The following OSBPL3 variants were observed in gnomAD, a reference collection of about 807,000 sequenced individuals.
OSBPL3 encodes oxysterol binding protein like 3, also known as oxysterol-binding protein-related protein 3.
OSBPL3 carries 65 observed loss-of-function variants against 120.1 expected under a neutral mutation model. The ratio of observed to expected loss-of-function variants is 0.54; its 90% CI spans 0.44 to 0.67. The LOEUF is 0.67. OSBPL3 is among the 30% of genes least tolerant of loss of function. The pLI is 0.00. For synonymous variants in OSBPL3, 416 were observed against 402.6 expected, an observed-to-expected ratio of 1.03 and a Z score of -0.40; for missense variants, 1,004 against 1,082.1, an observed-to-expected ratio of 0.93 and a Z score of 1.01.
At chr7:24,878,705 AGCAATGGC>A (rs997093107) in intron 2 of OSBPL3, among the ~76,000 whole-genome samples, 2 of 152,240 alleles carry the variant, frequency 1.3e-5, no homozygotes, top group African/African-American at 4.8e-5. Flanking sequence ...CAGGCCTGAT[AGCAATGGC>A]AATTTTTAAG....
intron 1 of OSBPL3, among the ~76,000 whole-genome samples, chr7:24,904,904 G>T (rs1195046653): frequency 6.9e-6 from 1 of 144,726 alleles, no homozygotes; most frequent in Non-Finnish European, 1.5e-5. Context: ...GAAGTGTTCT[G>T]ATCATAATAT....
intron 16 of OSBPL3, among the ~76,000 whole-genome samples, chr7:24,828,148 CTGAG>C (rs973728390): frequency 5.3e-5 from 8 of 152,192 alleles, no homozygotes; most frequent in African/African-American, 1.7e-4. Flanking sequence ...CCTCAGCCTC[CTGAG>C]TAACTGGGAT....
chr7:24,823,453 G>C (rs1207284063), intron 16 of OSBPL3, among the ~76,000 whole-genome samples: 1 of 152,102 alleles, frequency 6.6e-6, no homozygotes, highest in Non-Finnish European at 1.5e-5. Context: ...TTAGGAAATA[G>C]GGGTTCTGGC....
chr7:24,947,777 A>ATCAC lies in OSBPL3; in HGVS notation c.-150+32105_-150+32108dup, dbSNP rs1339425875. 1.0e-5 allele frequency among the ~76,000 whole-genome samples: 1 copy of ATCAC among 96,868 alleles called. No homozygotes were observed. The highest frequency in any genetic ancestry group is 2.1e-5 in the Non-Finnish European group (1 of 47,700). The allele number at this position is 96,868 out of a possible 152,430, so 63.5% of individuals were successfully genotyped here. A position where few individuals can be genotyped will look rare whatever the true frequency, so the allele number is the denominator to read the frequency against. On this transcript the variant is annotated intron_variant, in intron 1 of 22. Coordinates refer to ENST00000313367, the MANE Select transcript of OSBPL3 (RefSeq NM_015550.4). The surrounding 1 kb of genome is among the most constrained non-coding windows in gnomAD (Gnocchi z 4.4). ...TATGTATACATACATATCCAATTAA[A>ATCAC]TCACACACACACACACACACACACA... is the stretch of plus-strand genomic sequence containing the variant.
chr7:24,841,691 T>A (rs1797766577), intron 13 of OSBPL3, among the ~76,000 whole-genome samples: 2 of 23,386 alleles, frequency 8.6e-5, no homozygotes, highest in Non-Finnish European at 6.1e-5. Flanking sequence ...TGAGACTATG[T>A]CTCAAAAAAA....
Position 24,967,917 on chromosome 7 carries a change from CT to C in OSBPL3, c.-150+11968del, listed in dbSNP as rs1472670526. 6.6e-6 allele frequency among the ~76,000 whole-genome samples: 1 copy of C among 152,224 alleles called. No homozygotes were observed. Among genetic ancestry groups the C allele is most frequent in the East Asian group, 1.9e-4 (1 of 5,204 alleles). On this transcript the variant is annotated intron_variant, in intron 1 of 22. Coordinates refer to ENST00000313367, the MANE Select transcript of OSBPL3 (RefSeq NM_015550.4). This position sits in a 1 kb window ranked among gnomAD's most constrained non-coding sequence, Gnocchi z 5.6. ...GCATATTCAAAACCAAAAGCACTCTCTTTCTCTAAGATCTACTCATCTTCCT... is the reference window on the plus strand; with the variant it reads ...GCATATTCAAAACCAAAAGCACTCTCTTCTCTAAGATCTACTCATCTTCCT...
chr7:24,948,871 G>A (rs3846997), intron 1 of OSBPL3, among the ~76,000 whole-genome samples: 3,776 of 152,272 alleles, frequency 0.025, 147 homozygotes, highest in African/African-American at 0.085. Flanking sequence ...GAAATCAGTT[G>A]TTCGTAATAA....
intron 2 of OSBPL3, among the ~76,000 whole-genome samples, chr7:24,885,169 C>A (rs1413076436): frequency 1.3e-5 from 2 of 150,764 alleles, no homozygotes; most frequent in Non-Finnish European, 3.0e-5. Flanking sequence ...TTGCAGTGAG[C>A]CAAGATTGCA....
intron 1 of OSBPL3, among the ~76,000 whole-genome samples, chr7:24,909,916 T>C (rs942355724): frequency 2.0e-5 from 3 of 151,140 alleles, no homozygotes; most frequent in Admixed American, 2.0e-4. Flanking sequence ...GCAATTCTTC[T>C]GCCTCAGTCT....
intron 10 of OSBPL3, among the ~76,000 whole-genome samples, chr7:24,860,039 A>G (rs1023172609): frequency 7.2e-5 from 11 of 152,318 alleles, no homozygotes; most frequent in Non-Finnish European, 1.2e-4. Context: ...TACAATATAA[A>G]AACGTGGGAG....
chr7:24,928,636 G>T (rs149464518), intron 1 of OSBPL3, among the ~76,000 whole-genome samples: 21 of 152,268 alleles, frequency 1.4e-4, no homozygotes, highest in Admixed American at 2.6e-4. Flanking sequence ...ACACCTCAAA[G>T]AACATTCCCT....
intron 12 of OSBPL3, among the ~76,000 whole-genome samples, chr7:24,846,301 T>TC (rs1483447696): frequency 6.6e-6 from 1 of 152,226 alleles, no homozygotes; most frequent in Non-Finnish European, 1.5e-5. Flanking sequence ...AATTTAAATC[T>TC]CAGCTCTGTC....
chr7:24,974,928 C>T (rs1817416672), intron 1 of OSBPL3, among the ~76,000 whole-genome samples: 1 of 152,104 alleles, frequency 6.6e-6, no homozygotes, highest in Non-Finnish European at 1.5e-5. Flanking sequence ...GTGATGGTTG[C>T]ACAACTCTGA....
In OSBPL3 at chr7:24,955,701, A is replaced by ACTAT. The variant is rs1329386253; in HGVS notation, c.-150+24181_-150+24184dup. Among the ~76,000 whole-genome samples the ACTAT allele has an allele frequency of 6.6e-6, 1 of 152,204 alleles. No individual in the cohort carries two copies. Among genetic ancestry groups the ACTAT allele is most frequent in the Admixed American group, 6.5e-5 (1 of 15,278 alleles). Reference sequence around the variant, plus strand: ...TGCTTTAATGTTCTCCACAGCACTTACTATCACCTGACATACATATTTATT... The same window carrying ACTAT: ...TGCTTTAATGTTCTCCACAGCACTTACTATCTATCACCTGACATACATATTTATT... On this transcript the variant is annotated intron_variant, in intron 1 of 22. Transcript: ENST00000313367. This position sits in a 1 kb window ranked among gnomAD's most constrained non-coding sequence, Gnocchi z 4.3.
Position 24,894,728 on chromosome 7 carries a change from T to C in OSBPL3, c.-149-2107A>G, listed in dbSNP as rs1357316183. On this transcript the variant is annotated intron_variant, in intron 1 of 22. Transcript: ENST00000313367. This position sits in a 1 kb window ranked among gnomAD's most constrained non-coding sequence, Gnocchi z 4.1. ...CTACAAGAGTCTGGGATGAGAGGGG[T>C]GTGTGTGCAATGTAAAGGGAGAGAA... Among the ~76,000 whole-genome samples the C allele has an allele frequency of 5.3e-5, 8 of 151,848 alleles. No individual in the cohort carries two copies. Among genetic ancestry groups the C allele is most frequent in the Non-Finnish European group, 1.2e-4 (8 of 67,990 alleles).
intron 1 of OSBPL3, among the ~76,000 whole-genome samples, chr7:24,923,337 A>C (rs1202741441): frequency 6.6e-6 from 1 of 152,144 alleles, no homozygotes; most frequent in African/African-American, 2.4e-5. Context: ...TCTGTGCCTC[A>C]TGTCTCCCTG....
In OSBPL3 at chr7:24,834,190, C is replaced by T; in HGVS notation, c.1746+296G>A. 9.0e-7 allele frequency: 1 copy of T among 1,109,542 alleles called. No individual in the cohort carries two copies. The highest frequency in any genetic ancestry group is 1.1e-6 in the Non-Finnish European group (1 of 900,860). 68.7% of individuals were successfully genotyped at this position (1,109,542 alleles called of 1,614,324 possible). On this transcript the variant is annotated intron_variant, in intron 15 of 22. Coordinates refer to ENST00000313367, the MANE Select transcript of OSBPL3 (RefSeq NM_015550.4). The surrounding 1 kb of genome is among the most constrained non-coding windows in gnomAD (Gnocchi z 5.2). Reference sequence around the variant, plus strand: ...AGACATGTTTTCCAGCCGGGCACATCGGAACAATCAGCCAGAAGGCTTCTG... The same window carrying T: ...AGACATGTTTTCCAGCCGGGCACATTGGAACAATCAGCCAGAAGGCTTCTG...
intron 1 of OSBPL3, among the ~76,000 whole-genome samples, chr7:24,910,952 T>C (rs4722403): frequency 0.61 from 92,968 of 152,086 alleles, 29,131 homozygotes; most frequent in East Asian, 0.78. Context: ...CATTTCATAC[T>C]AACTGGTCCA....
At chr7:24,825,719 A>G (rs1795630343) in intron 16 of OSBPL3, among the ~76,000 whole-genome samples, 1 of 152,216 alleles carries the variant, frequency 6.6e-6, no homozygotes, top group African/African-American at 2.4e-5. Context: ...ATGAGTGTGC[A>G]AGGAGGAAGT....
Sources: gnomAD v4.1 joint callset for allele counts (sites outside exome capture counted in the v4.1 genomes callset) on GRCh38, gnomAD v4.1.1 for gene constraint, Gnocchi (gnomAD v3.1) non-coding constraint, MANE v1.5 for transcripts, NCBI Gene and HGNC (gene_info 2026-07-23, HGNC 2026-07-21) for gene names.